Variants in MIER3 observed in about 807,000 individuals in gnomAD.
MIER3 encodes MIER family member 3.
Under a neutral mutation model 63.2 loss-of-function variants are expected in MIER3, and 9 were observed. The ratio of observed to expected loss-of-function variants is 0.14; its 90% CI spans 0.09 to 0.25. The LOEUF (loss-of-function observed/expected upper bound fraction) is 0.25, where lower values mean the gene tolerates loss of function less well. Ranked by LOEUF, MIER3 falls within the 10% of genes least tolerant of loss-of-function variation. The pLI, the probability that MIER3 is intolerant of heterozygous loss-of-function variation, is 1.00. For synonymous variants in MIER3, 205 were observed against 224.9 expected (o/e 0.91, Z 0.79); for missense variants, 512 against 666.2 (o/e 0.77, Z 2.55).
chr5:56,932,099 T>C (rs1750288624), intron 8 of MIER3, among the ~76,000 whole-genome samples: 1 of 152,044 alleles, frequency 6.6e-6, no homozygotes, highest in South Asian at 2.1e-4. Context: ...GAGACCAGCC[T>C]GGCGACAAAA....
rs1749750425 is a variant in MIER3, at chr5:56,923,089, A to C, written c.*39T>G. The C allele has an allele frequency of 1.3e-6, 2 of 1,572,264 alleles. No individual in the cohort carries two copies. The highest frequency in any genetic ancestry group is 1.4e-5 in the African/African-American group (1 of 73,902). On this transcript the variant is annotated 3_prime_UTR_variant, in exon 13 of 13. Transcript: ENST00000381199. ...AAACCTGATAGCTCCCCTCAAGTTT[A>C]CTGGTGCTGCACACGCAGTTCCGGG...
chr5:56,952,123 CGAGCA>C, upstream of MIER3: 1 of 1,251,876 alleles, frequency 8.0e-7, no homozygotes, highest in Non-Finnish European at 1.0e-6. Context: ...TTAGGGCGAA[CGAGCA>C]GCGCCGAGCC....
Position 56,921,569 on chromosome 5 carries a change from A to T in MIER3, c.*1559T>A, listed in dbSNP as rs941986837. 1.3e-5 allele frequency: 2 copies of T among 152,616 alleles called. No homozygotes were observed. The highest frequency in any genetic ancestry group is 4.8e-5 in the African/African-American group (2 of 41,458). 9.5% of individuals were successfully genotyped at this position (152,616 alleles called of 1,614,324 possible). On this transcript the variant is annotated 3_prime_UTR_variant, in exon 13 of 13. Transcript: ENST00000381199. ...ATGCTGCAAAGAAAAACAAGAATAC[A>T]CATCATCCAAAACTAAGGATGTCAT...
At position 56,923,227 on chromosome 5, in the gene MIER3, A is replaced by T. The variant is rs112542697; in HGVS notation, c.1554T>A (p.Ala518=). The change falls in exon 13 of 13, where the codon GCT becomes GCA. Residue 518 remains alanine (A), a synonymous_variant. Transcript: ENST00000381199. ...HTHHITSAKM[A]VSVADFGSLS... Reference sequence around the variant, plus strand: ...GACTGCCAAAGTCAGCCACAGAAACAGCCATTTTGGCACTGGTGATGTGAT... The same window carrying T: ...GACTGCCAAAGTCAGCCACAGAAACTGCCATTTTGGCACTGGTGATGTGAT... 3,494 of 1,614,138 alleles carry T rather than the reference A, an allele frequency of 2.2e-3. 61 individuals are homozygous for T. In the African/African-American group the frequency reaches 0.037, roughly 17 times the overall value.
At position 56,945,273 on chromosome 5, in the gene MIER3, G is replaced by T. The variant is rs575669813; in HGVS notation, c.180+1653C>A. ...AGGTCAGGAGTTCAAGACCAGCCTG[G>T]CCAACATGGCAAAACCCCGTCTCTA... On this transcript the variant is annotated intron_variant, in intron 3 of 12. Transcript: ENST00000381199. 7.9e-5 allele frequency among the ~76,000 whole-genome samples: 12 copies of T among 152,224 alleles called. 1 individual carries two copies. The South Asian group carries it at 2.5e-3, about 32-fold the overall frequency.
At chr5:56,923,867 A>G (rs1370867890) in intron 11 of MIER3, 34 bp from the exon 12 acceptor site, 9 of 1,613,952 alleles carry the variant, frequency 5.6e-6, no homozygotes, top group Non-Finnish European at 6.8e-6. Context: ...TTATGACTAT[A>G]TATTACAGTT....
Position 56,928,773 on chromosome 5 carries a change from C to T in MIER3, c.918G>A (p.Lys306=), listed in dbSNP as rs931382070. ...LFGKDFHLIQ[K]NKVRTRTVAE... is the part of the protein sequence containing the mutation. Reference sequence around the variant, plus strand: ...ACTAATCTGCCTAATTTACCTTATTCTTCTGTATAAGATGAAAATCTTTTC... The same window carrying T: ...ACTAATCTGCCTAATTTACCTTATTTTTCTGTATAAGATGAAAATCTTTTC... The change falls in exon 10 of 13, where the codon AAG becomes AAA. Residue 306 remains lysine (K), a synonymous_variant. Transcript: ENST00000381199. 6 of 1,610,178 alleles carry T rather than the reference C, an allele frequency of 3.7e-6. No homozygotes were observed. In the African/African-American group the frequency reaches 8.0e-5, roughly 22 times the overall value.
At chr5:56,946,451 A>T (rs1434660046) in intron 3 of MIER3, among the ~76,000 whole-genome samples, 1 of 152,118 alleles carries the variant, frequency 6.6e-6, no homozygotes, top group African/African-American at 2.4e-5. Flanking sequence ...GGAGCAGGGG[A>T]TGGGATATTA....
chr5:56,941,928 G>C (rs911341975), intron 3 of MIER3, among the ~76,000 whole-genome samples: 12 of 152,042 alleles, frequency 7.9e-5, no homozygotes, highest in Non-Finnish European at 1.3e-4. Flanking sequence ...AAGGGAAGGA[G>C]GACTCCCCAG....
At position 56,943,830 on chromosome 5, in the gene MIER3, T is replaced by C. The variant is rs1750733888; in HGVS notation, c.180+3096A>G. Among the ~76,000 whole-genome samples, 4 of 152,348 alleles carry C rather than the reference T, an allele frequency of 2.6e-5. No individual in the cohort carries two copies. In the South Asian group the frequency reaches 8.3e-4, roughly 32 times the overall value. On this transcript the variant is annotated intron_variant, in intron 3 of 12. Coordinates refer to ENST00000381199, the MANE Select transcript of MIER3 (RefSeq NM_001297599.2). ...TAAATCAGCTTAGAAGTGTGATCCATCACCTTATCCCGGGTATAAGGATTT... is the reference window on the plus strand; with the variant it reads ...TAAATCAGCTTAGAAGTGTGATCCACCACCTTATCCCGGGTATAAGGATTT...
intron 5 of MIER3, among the ~76,000 whole-genome samples, chr5:56,936,407 A>T (rs1750447339): frequency 6.6e-6 from 1 of 152,168 alleles, no homozygotes; most frequent in Admixed American, 6.5e-5. Flanking sequence ...ACACACACGA[A>T]TGCATGGATA....
At position 56,923,499 on chromosome 5, in the gene MIER3, G is replaced by A. The variant is rs757618996; in HGVS notation, c.1282C>T (p.Arg428Cys). 1.5e-5 allele frequency: 25 copies of A among 1,614,010 alleles called. No individual in the cohort carries two copies. Among genetic ancestry groups the A allele is most frequent in the East Asian group, 2.2e-5 (1 of 44,896 alleles). Residue 428 changes from arginine (R) to cysteine (C), a missense_variant, in exon 13 of 13, where the codon CGT (arginine) becomes TGT (cysteine). Transcript: ENST00000381199. ...DSFPPLGNTP[R>C]GQVNHVPVVT... ...ACAGGCACATGATTAACTTGTCCAC[G>A]GGGTGTGTTGCCCAGTGGAGGAAAG...
rs1320910358 is a variant in MIER3, at chr5:56,930,854, C to A, written c.748-109G>T. On this transcript the variant is annotated intron_variant, in intron 8 of 12. Transcript: ENST00000381199. ...TTGGAGTCTTGATAAACACTGAAAT[C>A]CTCTCTAATTTCAGGGCATTTGAAG... is the stretch of plus-strand genomic sequence containing the variant. 6 of 854,548 alleles carry A rather than the reference C, an allele frequency of 7.0e-6. No individual in the cohort carries two copies. In the East Asian group the frequency reaches 7.4e-5, roughly 11 times the overall value. The allele number at this position is 854,548 out of a possible 1,614,324, so 52.9% of individuals were successfully genotyped here.
At chr5:56,950,759 G>T in intron 1 of MIER3, 107 bp from the exon 2 acceptor site, 1 of 1,268,478 alleles carries the variant, frequency 7.9e-7, no homozygotes, top group Non-Finnish European at 1.1e-6. Flanking sequence ...CTCCGCAGCT[G>T]CCAAAAGTGC....
intron 9 of MIER3, among the ~76,000 whole-genome samples, chr5:56,930,108 C>T (rs1408485802): frequency 6.6e-6 from 1 of 151,894 alleles, no homozygotes; most frequent in African/African-American, 2.4e-5. Flanking sequence ...TTTCATTCTA[C>T]ACATATTTAA....
At chr5:56,947,900 A>G (rs896355959) in intron 2 of MIER3, among the ~76,000 whole-genome samples, 1 of 152,258 alleles carries the variant, frequency 6.6e-6, no homozygotes, top group African/African-American at 2.4e-5. Flanking sequence ...AGAAGAAATG[A>G]CTAAAATCCA....
At chr5:56,946,876 C>A in intron 3 of MIER3, 50 bp downstream of exon 3, 1 of 1,291,812 alleles carries the variant, frequency 7.7e-7, no homozygotes, top group Non-Finnish European at 1.0e-6. Context: ...AAAATTACAA[C>A]AGAATTTCAA....
chr5:56,949,906 AG>A (rs1322603964), intron 2 of MIER3, among the ~76,000 whole-genome samples: 1 of 152,222 alleles, frequency 6.6e-6, no homozygotes, highest in African/African-American at 2.4e-5. Flanking sequence ...TTAGCACATG[AG>A]GAAAGGTCCT....
intron 2 of MIER3, among the ~76,000 whole-genome samples, chr5:56,947,883 A>C (rs1750880135): frequency 6.6e-6 from 1 of 152,246 alleles, no homozygotes; most frequent in Non-Finnish European, 1.5e-5. Context: ...AAACTCCAAA[A>C]ACCAAGAGAA....
Sources: allele counts gnomAD v4.1 joint callset (sites outside exome capture counted in the v4.1 genomes callset), GRCh38; gene constraint gnomAD v4.1.1; transcripts MANE v1.5; gene names NCBI Gene and HGNC (gene_info 2026-07-23, HGNC 2026-07-21).